RAE1: variants seen among roughly 807,000 people sequenced by gnomAD.
The protein encoded by RAE1 is mRNA export factor RAE1.
In RAE1, 13 loss-of-function variants were observed where a neutral mutation model predicts 52.7. That is an observed-to-expected ratio of 0.25 (90% CI 0.16 to 0.39). The LOEUF (loss-of-function observed/expected upper bound fraction) is 0.39. RAE1 is among the 10% of genes least tolerant of loss of function. RAE1 has a pLI of 1.00. For synonymous variants in RAE1, 164 were observed against 153.1 expected, an observed-to-expected ratio of 1.07 and a Z score of -0.52; for missense variants, 262 against 459.8, an observed-to-expected ratio of 0.57 and a Z score of 3.93.
At chr20:57,368,843 A>G (rs767322359) in intron 8 of RAE1, 31 bp downstream of exon 8, 5 of 1,533,754 alleles carry the variant, frequency 3.3e-6, no homozygotes, top group East Asian at 2.3e-5. Context: ...AGAAGTATGT[A>G]TTTAGCACCT....
rs867265642 is a variant in RAE1, at chr20:57,358,726, A to T, written c.288+2188A>T. 1.5e-5 allele frequency: 5 copies of T among 341,356 alleles called. No homozygotes were observed. In the South Asian group the frequency reaches 3.8e-4, roughly 26 times the overall value. 21.1% of individuals were successfully genotyped at this position (341,356 alleles called of 1,614,324 possible). ...CTCTATTGTCGATATGGACTCTAGT[A>T]TAGGATTGCGCTGTTATCCCTAGGG... is the stretch of plus-strand genomic sequence containing the variant. On this transcript the variant is annotated intron_variant, in intron 4 of 11. Transcript: ENST00000395841.
chr20:57,359,232 C>T (rs1465658015), intron 4 of RAE1: 3 of 389,558 alleles, frequency 7.7e-6, no homozygotes, highest in Non-Finnish European at 4.5e-6. Context: ...TTCCTTAGAG[C>T]ATGCCTGTGT....
chr20:57,361,835 T>C (rs1330488678), intron 4 of RAE1, among the ~76,000 whole-genome samples: 1 of 152,246 alleles, frequency 6.6e-6, no homozygotes, highest in Non-Finnish European at 1.5e-5. Flanking sequence ...CATACGTTAA[T>C]GCAGGGGTCC....
intron 4 of RAE1, among the ~76,000 whole-genome samples, chr20:57,362,313 G>A (rs2066901798): frequency 6.6e-6 from 1 of 152,186 alleles, no homozygotes; most frequent in African/African-American, 2.4e-5. Context: ...TTTATCACCT[G>A]TAAAATGTCT....
intron 4 of RAE1, chr20:57,358,751 G>A (rs1466081087): frequency 7.8e-6 from 3 of 383,258 alleles, no homozygotes; most frequent in Non-Finnish European, 1.4e-5. Context: ...TATCCCTAGG[G>A]TAACTTACTC....
In RAE1 at chr20:57,358,993, A is replaced by G. The variant is rs778113698; in HGVS notation, c.288+2455A>G. The G allele has an allele frequency of 6.7e-5, 101 of 1,510,158 alleles. No homozygotes were observed. The East Asian group carries it at 1.5e-3, about 22-fold the overall frequency. The allele number at this position is 1,510,158 out of a possible 1,614,324, so 93.5% of individuals were successfully genotyped here. ...TATCCGCCTCTTCACGGATAGATCAATTTCACTGGTTGAAAGTAAGAGACA... is the reference window on the plus strand; with the variant it reads ...TATCCGCCTCTTCACGGATAGATCAGTTTCACTGGTTGAAAGTAAGAGACA... On this transcript the variant is annotated intron_variant, in intron 4 of 11. Coordinates refer to ENST00000395841, the MANE Select transcript of RAE1 (RefSeq NM_003610.4).
At chr20:57,369,972 G>T (rs1046529238) in intron 8 of RAE1, among the ~76,000 whole-genome samples, 2 of 151,884 alleles carry the variant, frequency 1.3e-5, no homozygotes, top group Admixed American at 1.3e-4. Flanking sequence ...GCCTTCTCAG[G>T]AACCGTATGC....
At chr20:57,367,739 CAAAAAAAA>C (rs374097734) in intron 7 of RAE1, among the ~76,000 whole-genome samples, 1 of 68,120 alleles carries the variant, frequency 1.5e-5, no homozygotes, top group Non-Finnish European at 3.2e-5. Flanking sequence ...GATACTATCT[CAAAAAAAA>C]AAAAAAAAAA....
chr20:57,353,178 G>A (rs554369068), intron 1 of RAE1, among the ~76,000 whole-genome samples: 9 of 152,296 alleles, frequency 5.9e-5, no homozygotes, highest in African/African-American at 1.7e-4. Flanking sequence ...TTCAGTGTAC[G>A]TAACTCCTCG....
In RAE1 at chr20:57,377,563, C is replaced by T. The variant is rs1389290130; in HGVS notation, c.1021-450C>T. On this transcript the variant is annotated intron_variant, in intron 11 of 11. Transcript: ENST00000395841. Reference sequence around the variant, plus strand: ...TCTGGCTCACTCACCACCGTTCATGCCTCTGCTGTGCTCCGTGTCTGTTGC... The same window carrying T: ...TCTGGCTCACTCACCACCGTTCATGTCTCTGCTGTGCTCCGTGTCTGTTGC... Among the ~76,000 whole-genome samples, 5 of 152,248 alleles carry T rather than the reference C, an allele frequency of 3.3e-5. 1 individual carries two copies. The South Asian group carries it at 8.3e-4, about 25-fold the overall frequency.
intron 10 of RAE1, among the ~76,000 whole-genome samples, chr20:57,374,107 C>T (rs970635306): frequency 6.6e-6 from 1 of 152,216 alleles, no homozygotes; most frequent in Non-Finnish European, 1.5e-5. Flanking sequence ...GTCTCGAACT[C>T]CTGACCTTGT....
At chr20:57,375,331 GTCA>G (rs2067097715) in intron 11 of RAE1, among the ~76,000 whole-genome samples, 1 of 152,134 alleles carries the variant, frequency 6.6e-6, no homozygotes, top group Non-Finnish European at 1.5e-5. Context: ...TGGAGAGGTT[GTCA>G]TCATTGTATT....
At chr20:57,376,395 C>T (rs747954748) in intron 11 of RAE1, among the ~76,000 whole-genome samples, 13 of 152,234 alleles carry the variant, frequency 8.5e-5, no homozygotes, top group Non-Finnish European at 1.8e-4. Context: ...GTAATCTTCC[C>T]TTACGCACAC....
At position 57,351,261 on chromosome 20, in the gene RAE1, G is replaced by T. The variant is rs1258583691; in HGVS notation, c.-169G>T. Reference sequence around the variant, plus strand: ...TCCAGGGCGCACGCGCGTTGTTTCCGCGGTAGTCAGGGCAGTTTCTACCGC... The same window carrying T: ...TCCAGGGCGCACGCGCGTTGTTTCCTCGGTAGTCAGGGCAGTTTCTACCGC... On this transcript the variant is annotated 5_prime_UTR_variant, in exon 1 of 12. Transcript: ENST00000395841. The T allele has an allele frequency of 5.1e-6, 5 of 985,340 alleles. No homozygotes were observed. The highest frequency in any genetic ancestry group is 1.1e-4 in the East Asian group (1 of 8,812). The allele number at this position is 985,340 out of a possible 1,614,324, so 61.0% of individuals were successfully genotyped here.
intron 1 of RAE1, among the ~76,000 whole-genome samples, chr20:57,352,609 A>G (rs1210042319): frequency 2.0e-5 from 3 of 152,356 alleles, no homozygotes; most frequent in Middle Eastern, 3.4e-3. Flanking sequence ...TCCTAAGTTC[A>G]TCCCTAATGG....
At chr20:57,360,448 G>C (rs573379503) in intron 4 of RAE1, among the ~76,000 whole-genome samples, 1 of 152,324 alleles carries the variant, frequency 6.6e-6, no homozygotes, top group Admixed American at 6.5e-5. Context: ...GGGGTTTATT[G>C]ATTATAGAAC....
intron 4 of RAE1, among the ~76,000 whole-genome samples, chr20:57,361,576 A>G (rs2066893207): frequency 6.6e-6 from 1 of 152,122 alleles, no homozygotes; most frequent in Non-Finnish European, 1.5e-5. Flanking sequence ...CTATTGATTA[A>G]TTGTTAAGTC....
chr20:57,369,230 AG>A (rs2066999697), intron 8 of RAE1, among the ~76,000 whole-genome samples: 1 of 152,246 alleles, frequency 6.6e-6, no homozygotes, highest in South Asian at 2.1e-4. Flanking sequence ...GGTCACAGAA[AG>A]AAGGGGGCTC....
Position 57,354,656 on chromosome 20 carries a change from A to G in RAE1, c.91-56A>G, listed in dbSNP as rs2066758069. On this transcript the variant is annotated intron_variant, in intron 2 of 11. Transcript: ENST00000395841. ...GAGGTAATTAGTGAGAAAGAAAACA[A>G]TTTGGAATGAAGTTGTGAGCGTGCA... 3 of 1,305,756 alleles carry G rather than the reference A, an allele frequency of 2.3e-6. No individual in the cohort carries two copies. The East Asian group carries it at 8.0e-5, about 35-fold the overall frequency. The allele number at this position is 1,305,756 out of a possible 1,614,324, so 80.9% of individuals were successfully genotyped here. A position where few individuals can be genotyped will look rare whatever the true frequency, so the allele number is the denominator to read the frequency against.
Sources: gnomAD v4.1 joint callset for allele counts (sites outside exome capture counted in the v4.1 genomes callset) on GRCh38, gnomAD v4.1.1 for gene constraint, MANE v1.5 for transcripts, NCBI Gene and HGNC (gene_info 2026-07-23, HGNC 2026-07-21) for gene names.